The following SHISA5 variants were observed in gnomAD, a reference collection of about 807,000 sequenced individuals.
The protein encoded by SHISA5 is shisa family member 5.
SHISA5 carries 21 observed loss-of-function variants against 27.5 expected under a neutral mutation model. The observed-to-expected ratio is 0.76, with a 90% CI of 0.54 to 1.10. The LOEUF (loss-of-function observed/expected upper bound fraction) is 1.10, where lower values mean the gene tolerates loss of function less well. SHISA5 is among the 50% of genes least tolerant of loss of function. The pLI, the probability that SHISA5 is intolerant of heterozygous loss-of-function variation, is 0.00. For synonymous variants in SHISA5, 137 were observed against 142.2 expected, an observed-to-expected ratio of 0.96 and a Z score of 0.26; for missense variants, 314 against 336.3, an observed-to-expected ratio of 0.93 and a Z score of 0.52.
At chr3:48,496,173 T>A (rs1264287772) in intron 2 of SHISA5, among the ~76,000 whole-genome samples, 1 of 148,654 alleles carries the variant, frequency 6.7e-6, no homozygotes, top group Non-Finnish European at 1.5e-5. Context: ...TCCCCTGTAA[T>A]CCCAGCTACT....
At chr3:48,502,508 A>T in intron 1 of SHISA5, 1 of 406,678 alleles carries the variant, frequency 2.5e-6, no homozygotes, top group South Asian at 1.7e-5. Context: ...CATCCTTACA[A>T]GTCTCAATAA....
intron 2 of SHISA5, among the ~76,000 whole-genome samples, chr3:48,494,146 C>G (rs1198901112): frequency 1.4e-5 from 2 of 147,252 alleles, no homozygotes; most frequent in Admixed American, 1.3e-4. Flanking sequence ...CCGGTTACCA[C>G]CATTTTATTC....
At position 48,496,053 on chromosome 3, in the gene SHISA5, G is replaced by A. The variant is rs1024886762; in HGVS notation, c.233+5084C>T. On this transcript the variant is annotated intron_variant, in intron 2 of 5. Coordinates refer to ENST00000296444, the MANE Select transcript of SHISA5 (RefSeq NM_016479.6). ...TGTAATCCCAGCACTTTGGGAGGCC[G>A]AGGCAGGCGGATCACAAGGTCAGGC... Among the ~76,000 whole-genome samples the A allele has an allele frequency of 7.1e-4, 103 of 145,482 alleles. 3 individuals are homozygous for A. Among genetic ancestry groups the A allele is most frequent in the Non-Finnish European group, 1.1e-3 (74 of 67,624 alleles).
intron 2 of SHISA5, among the ~76,000 whole-genome samples, chr3:48,487,109 C>T (rs983282860): frequency 6.7e-6 from 1 of 149,596 alleles, no homozygotes; most frequent in African/African-American, 2.5e-5. Flanking sequence ...TGTCCATAGG[C>T]GCACACACAC....
In SHISA5 at chr3:48,473,214, C is replaced by T; in HGVS notation, c.315-3371G>A. Reference sequence around the variant, plus strand: ...GACACAGGATGGCCCCGCCCAGCAGCCGGCTAGCAGCCAAGGAGCCAAGGG... The same window carrying T: ...GACACAGGATGGCCCCGCCCAGCAGTCGGCTAGCAGCCAAGGAGCCAAGGG... On this transcript the variant is annotated intron_variant, in intron 3 of 5. Coordinates refer to ENST00000296444, the MANE Select transcript of SHISA5 (RefSeq NM_016479.6). This position sits in a 1 kb window ranked among gnomAD's most constrained non-coding sequence, Gnocchi z 4.3. 1.4e-6 allele frequency: 2 copies of T among 1,426,958 alleles called. No homozygotes were observed. Among genetic ancestry groups the T allele is most frequent in the Admixed American group, 2.9e-5 (1 of 35,058 alleles). The allele number at this position is 1,426,958 out of a possible 1,614,324, so 88.4% of individuals were successfully genotyped here. A position where few individuals can be genotyped will look rare whatever the true frequency, so the allele number is the denominator to read the frequency against.
Position 48,473,606 on chromosome 3 carries a change from C to A in SHISA5, c.315-3763G>T. 1.6e-6 allele frequency: 2 copies of A among 1,223,698 alleles called. No individual in the cohort carries two copies. Among genetic ancestry groups the A allele is most frequent in the Non-Finnish European group, 2.1e-6 (2 of 953,202 alleles). The allele number at this position is 1,223,698 out of a possible 1,614,324, so 75.8% of individuals were successfully genotyped here. A position where few individuals can be genotyped will look rare whatever the true frequency, so the allele number is the denominator to read the frequency against. On this transcript the variant is annotated intron_variant, in intron 3 of 5. Transcript: ENST00000296444. The surrounding 1 kb of genome is among the most constrained non-coding windows in gnomAD (Gnocchi z 4.3). ...CTGTCTCCCCATGTTCTCCCGGCCACCCTACTGGGGCCACCATGCAAGGTC... is the reference window on the plus strand; with the variant it reads ...CTGTCTCCCCATGTTCTCCCGGCCAACCTACTGGGGCCACCATGCAAGGTC...
chr3:48,476,339 C>G (rs2040825233), intron 3 of SHISA5, among the ~76,000 whole-genome samples: 1 of 138,776 alleles, frequency 7.2e-6, no homozygotes, highest in African/African-American at 2.7e-5. Flanking sequence ...GAAACTCCAT[C>G]TCAAAAAAAA....
At chr3:48,503,060 G>A in intron 1 of SHISA5, 1 of 1,255,430 alleles carries the variant, frequency 8.0e-7, no homozygotes, top group Non-Finnish European at 1.0e-6. Flanking sequence ...CAGAGGATTG[G>A]ACCATTGACA....
intron 2 of SHISA5, among the ~76,000 whole-genome samples, chr3:48,479,993 T>C (rs1360408454): frequency 6.6e-6 from 1 of 151,196 alleles, no homozygotes; most frequent in Non-Finnish European, 1.5e-5. Flanking sequence ...AAGCTCCGCC[T>C]CCCGGCTTCA....
At chr3:48,483,395 A>G (rs568642093) in intron 2 of SHISA5, among the ~76,000 whole-genome samples, 3 of 152,102 alleles carry the variant, frequency 2.0e-5, no homozygotes, top group Middle Eastern at 3.2e-3. Context: ...CAGAGAGCAC[A>G]GGGTTGGGGG....
chr3:48,473,347 G>A lies in SHISA5; in HGVS notation c.315-3504C>T, dbSNP rs2040711714. The A allele has an allele frequency of 1.2e-5, 16 of 1,370,260 alleles. 1 individual carries two copies. The South Asian group carries it at 2.0e-4, about 17-fold the overall frequency. The allele number at this position is 1,370,260 out of a possible 1,614,324, so 84.9% of individuals were successfully genotyped here. A position where few individuals can be genotyped will look rare whatever the true frequency, so the allele number is the denominator to read the frequency against. ...ACCTCAGAATGCAGCCTGGCCACTA[G>A]GGGGTCTAAGAGCCACCCCAGCCTC... On this transcript the variant is annotated intron_variant, in intron 3 of 5. Coordinates refer to ENST00000296444, the MANE Select transcript of SHISA5 (RefSeq NM_016479.6). The surrounding 1 kb of genome is among the most constrained non-coding windows in gnomAD (Gnocchi z 4.3).
At chr3:48,486,587 A>ATATATATAGAT (rs1276380657) in intron 2 of SHISA5, among the ~76,000 whole-genome samples, 1 of 129,748 alleles carries the variant, frequency 7.7e-6, no homozygotes, top group Non-Finnish European at 1.6e-5. Context: ...ATTATATATT[A>ATATATATAGAT]TATATATAGA....
intron 3 of SHISA5, among the ~76,000 whole-genome samples, chr3:48,472,318 T>C (rs1050282922): frequency 4.0e-5 from 6 of 150,078 alleles, no homozygotes; most frequent in African/African-American, 1.5e-4. Context: ...TGAAACCCCA[T>C]CTCTACTAAA....
chr3:48,485,517 T>TA (rs1553826655), intron 2 of SHISA5, among the ~76,000 whole-genome samples: 8 of 142,702 alleles, frequency 5.6e-5, no homozygotes, highest in East Asian at 3.9e-4. Flanking sequence ...ATATATATTT[T>TA]TATATATATA....
intron 3 of SHISA5, among the ~76,000 whole-genome samples, chr3:48,475,855 C>T (rs568209790): frequency 2.6e-5 from 4 of 152,342 alleles, no homozygotes; most frequent in East Asian, 1.9e-4. Context: ...GCTGGAGCCA[C>T]TCACCATTAA....
At chr3:48,489,074 C>G (rs1464111008) in intron 2 of SHISA5, among the ~76,000 whole-genome samples, 3 of 152,044 alleles carry the variant, frequency 2.0e-5, no homozygotes, top group Admixed American at 6.6e-5. Context: ...CATCTAAGAT[C>G]CTACAGGACT....
intron 2 of SHISA5, among the ~76,000 whole-genome samples, chr3:48,493,857 T>G (rs1256551008): frequency 6.8e-6 from 1 of 147,280 alleles, no homozygotes; most frequent in Non-Finnish European, 1.5e-5. Flanking sequence ...CTGACAAAAA[T>G]TGTATATATT....
intron 3 of SHISA5, among the ~76,000 whole-genome samples, chr3:48,472,576 A>G (rs943434090): frequency 6.9e-6 from 1 of 145,938 alleles, no homozygotes; most frequent in Non-Finnish European, 1.6e-5. Context: ...AACAAAAGGC[A>G]AATGCTTGGT....
intron 2 of SHISA5, 72 bp from the exon 3 acceptor site, chr3:48,479,329 C>A: frequency 7.0e-7 from 1 of 1,420,686 alleles, no homozygotes; most frequent in Non-Finnish European, 9.6e-7. Context: ...TACCTTAGGG[C>A]ACCACAAAAC....
Sources: allele counts gnomAD v4.1 joint callset (sites outside exome capture counted in the v4.1 genomes callset), GRCh38; gene constraint gnomAD v4.1.1; non-coding constraint Gnocchi (gnomAD v3.1); transcripts MANE v1.5; gene names NCBI Gene and HGNC (gene_info 2026-07-23, HGNC 2026-07-21).